The following KLHL3 variants were observed in gnomAD, a reference collection of about 807,000 sequenced individuals.
The protein encoded by KLHL3 is kelch-like protein 3.
Under a neutral mutation model 70.5 loss-of-function variants are expected in KLHL3, and 19 were observed. The ratio of observed to expected loss-of-function variants is 0.27; its 90% CI spans 0.19 to 0.40. The LOEUF (loss-of-function observed/expected upper bound fraction) is 0.40. Among genes scored for constraint, KLHL3 ranks in the 10% least tolerant of loss-of-function variants. The pLI is 1.00. For synonymous variants in KLHL3, 258 were observed against 290.3 expected (o/e 0.89, Z 1.13); for missense variants, 512 against 771.1 (o/e 0.66, Z 3.98).
At chr5:137,636,814 A>G (rs1275927470) in intron 11 of KLHL3, among the ~76,000 whole-genome samples, 1 of 152,180 alleles carries the variant, frequency 6.6e-6, no homozygotes, top group East Asian at 1.9e-4. Context: ...ACTGGACTCA[A>G]TCACCAGCCT....
At chr5:137,628,154 C>G in intron 13 of KLHL3, 143 bp downstream of exon 13, 1 of 1,010,510 alleles carries the variant, frequency 9.9e-7, no homozygotes, top group Non-Finnish European at 1.5e-6. Context: ...TAATCAAGAG[C>G]CCACCTGGCA....
chr5:137,657,224 G>A (rs1156282426), intron 8 of KLHL3, among the ~76,000 whole-genome samples: 1 of 152,170 alleles, frequency 6.6e-6, no homozygotes, highest in African/African-American at 2.4e-5. Context: ...CAGCCAGCTG[G>A]AAAGAGGAGG....
chr5:137,673,271 G>A (rs1347724536), intron 6 of KLHL3, among the ~76,000 whole-genome samples: 2 of 152,150 alleles, frequency 1.3e-5, no homozygotes, highest in Non-Finnish European at 2.9e-5. Context: ...TTTACAAGCA[G>A]TTGCAATTTC....
chr5:137,690,793 G>A (rs1233998813), intron 5 of KLHL3, among the ~76,000 whole-genome samples: 1 of 151,988 alleles, frequency 6.6e-6, no homozygotes, highest in Non-Finnish European at 1.5e-5. Flanking sequence ...CTAGCTGGCA[G>A]GTGGGCAGCC....
At chr5:137,650,595 G>C (rs1751175120) in intron 8 of KLHL3, among the ~76,000 whole-genome samples, 1 of 152,082 alleles carries the variant, frequency 6.6e-6, no homozygotes, top group African/African-American at 2.4e-5. Context: ...TGAGGAAGGT[G>C]GATCACCAGA....
At chr5:137,634,303 CT>C in intron 11 of KLHL3, 138 bp from the exon 12 acceptor site, 1 of 894,816 alleles carries the variant, frequency 1.1e-6, no homozygotes, top group Non-Finnish European at 1.6e-6. Context: ...GGACCACCAA[CT>C]TACTCCTCAA....
intron 13 of KLHL3, among the ~76,000 whole-genome samples, chr5:137,626,858 G>C (rs1001491378): frequency 2.0e-5 from 3 of 152,080 alleles, no homozygotes; most frequent in Non-Finnish European, 2.9e-5. Context: ...ACAGAAATTA[G>C]CCAGGCGTGA....
rs1751389138 is a variant in KLHL3 at position 137,658,164 on chromosome 5, C to T, written c.870G>A (p.Arg290=). ...LDQRLLIKNP[R]TKPRTPVSLP... is the part of the protein sequence containing the mutation. ...GGCTGACTGGAGTCCTGGGCTTGGT[C>T]CTTGGGTTCTTAATCAATAGTCTCT... Residue 290 remains arginine (R), a synonymous_variant, in exon 8 of 15, where the codon AGG becomes AGA. Coordinates refer to ENST00000309755, the MANE Select transcript of KLHL3 (RefSeq NM_017415.3). The T allele has an allele frequency of 1.9e-6, 3 of 1,613,814 alleles. No individual in the cohort carries two copies. The highest frequency in any genetic ancestry group is 1.1e-5 in the South Asian group (1 of 91,034).
chr5:137,688,792 G>A (rs780452683), intron 5 of KLHL3, among the ~76,000 whole-genome samples: 1 of 152,172 alleles, frequency 6.6e-6, no homozygotes, highest in Non-Finnish European at 1.5e-5. Flanking sequence ...ACGGGATGTT[G>A]CCAATAAAAT....
intron 13 of KLHL3, 44 bp downstream of exon 13, chr5:137,628,253 A>C (rs1244168745): frequency 6.2e-7 from 1 of 1,609,664 alleles, no homozygotes; most frequent in Non-Finnish European, 8.5e-7. Context: ...CAGGGAGAAA[A>C]GGCACACAAC....
intron 6 of KLHL3, among the ~76,000 whole-genome samples, chr5:137,666,704 C>A (rs28414091): frequency 0.021 from 3,170 of 152,308 alleles, 114 homozygotes; most frequent in African/African-American, 0.072. Flanking sequence ...CATTCGGCAA[C>A]AACAGTGACC....
chr5:137,683,322 G>T (rs1353305668), intron 5 of KLHL3, among the ~76,000 whole-genome samples: 1 of 152,114 alleles, frequency 6.6e-6, no homozygotes, highest in African/African-American at 2.4e-5. Context: ...CCAGGGAACA[G>T]GTGTGAGTGC....
Position 137,639,775 on chromosome 5 carries a change from G to A in KLHL3, c.1021+85C>T. The A allele has an allele frequency of 1.0e-6, 1 of 960,682 alleles. No individual in the cohort carries two copies. Among genetic ancestry groups the A allele is most frequent in the Non-Finnish European group, 1.7e-6 (1 of 597,172 alleles). The allele number at this position is 960,682 out of a possible 1,614,324, so 59.5% of individuals were successfully genotyped here. ...GAGCCTGAAATGCACAGATGCTTGA[G>A]GAAACAAGGAGTAGCTCACGACTTC... is the stretch of plus-strand genomic sequence containing the variant. On this transcript the variant is annotated intron_variant, in intron 9 of 14. Coordinates refer to ENST00000309755, the MANE Select transcript of KLHL3 (RefSeq NM_017415.3). This position sits in a 1 kb window ranked among gnomAD's most constrained non-coding sequence, Gnocchi z 5.0.
chr5:137,729,928 T>C (rs1753145254), intron 1 of KLHL3, among the ~76,000 whole-genome samples: 1 of 152,126 alleles, frequency 6.6e-6, no homozygotes, highest in Admixed American at 6.6e-5. Flanking sequence ...AGCCCCATAC[T>C]CTTCATCCTC....
At position 137,640,736 on chromosome 5, in the gene KLHL3, C is replaced by CT. The variant is rs968253093; in HGVS notation, c.904-760_904-759insA. On this transcript the variant is annotated intron_variant, in intron 8 of 14. Coordinates refer to ENST00000309755, the MANE Select transcript of KLHL3 (RefSeq NM_017415.3). ...CTGACAGAGGGTGAGGCCAGCCACCCCCCCCAACTCCTGCTCTAGAGACAG... is the reference window on the plus strand; with the variant it reads ...CTGACAGAGGGTGAGGCCAGCCACCCTCCCCCAACTCCTGCTCTAGAGACAG... 7.5e-4 allele frequency among the ~76,000 whole-genome samples: 113 copies of CT among 151,638 alleles called. 2 individuals are homozygous for CT. Among genetic ancestry groups the CT allele is most frequent in the Non-Finnish European group, 4.3e-4 (29 of 67,712 alleles).
At chr5:137,646,083 A>G (rs1751037671) in intron 8 of KLHL3, among the ~76,000 whole-genome samples, 1 of 152,218 alleles carries the variant, frequency 6.6e-6, no homozygotes, top group Non-Finnish European at 1.5e-5. Context: ...AAACAACTAA[A>G]TAACAGAAAA....
At chr5:137,674,605 A>G (rs1187626246) in intron 6 of KLHL3, among the ~76,000 whole-genome samples, 1 of 152,236 alleles carries the variant, frequency 6.6e-6, no homozygotes, top group Non-Finnish European at 1.5e-5. Flanking sequence ...CATGCAGAGT[A>G]AGTCATAATT....
chr5:137,734,490 T>G (rs1344484264), intron 1 of KLHL3, among the ~76,000 whole-genome samples: 1 of 152,166 alleles, frequency 6.6e-6, no homozygotes, highest in Non-Finnish European at 1.5e-5. Context: ...TCATGCTAGT[T>G]CTAATAGGGT....
At chr5:137,732,970 A>C (rs1753204257) in intron 1 of KLHL3, among the ~76,000 whole-genome samples, 1 of 152,214 alleles carries the variant, frequency 6.6e-6, no homozygotes, top group Non-Finnish European at 1.5e-5. Context: ...GCTTTTAATT[A>C]ATAGCCTTTC....
Sources: allele counts gnomAD v4.1 joint callset (sites outside exome capture counted in the v4.1 genomes callset), GRCh38; gene constraint gnomAD v4.1.1; non-coding constraint Gnocchi (gnomAD v3.1); transcripts MANE v1.5; gene names NCBI Gene and HGNC (gene_info 2026-07-23, HGNC 2026-07-21).